Variants in ATP8A2 observed in about 807,000 individuals in gnomAD.
ATP8A2 encodes ATPase phospholipid transporting 8A2.
Under a neutral mutation model 165.6 loss-of-function variants are expected in ATP8A2, and 100 were observed. That is an observed-to-expected ratio of 0.60 (90% confidence interval 0.51 to 0.71). The LOEUF is 0.71. Among genes scored for constraint, ATP8A2 ranks in the 30% least tolerant of loss-of-function variants. ATP8A2 has a pLI of 0.00. For missense variants in ATP8A2, 1,227 were observed against 1,479.5 expected, an observed-to-expected ratio of 0.83 and a Z score of 2.80; for synonymous variants, 543 against 548.8, an observed-to-expected ratio of 0.99 and a Z score of 0.15.
intron 2 of ATP8A2, among the ~76,000 whole-genome samples, chr13:25,478,876 T>G (rs2036073949): frequency 6.6e-6 from 1 of 151,352 alleles, no homozygotes; most frequent in Non-Finnish European, 1.5e-5. Context: ...CTTTTTGGAG[T>G]CTTGCTGTGT....
intron 14 of ATP8A2, among the ~76,000 whole-genome samples, chr13:25,559,352 A>G (rs1025178928): frequency 2.0e-5 from 3 of 152,128 alleles, no homozygotes; most frequent in Admixed American, 1.3e-4. Context: ...GGCTAACATG[A>G]TGAAACCTTG....
intron 30 of ATP8A2, among the ~76,000 whole-genome samples, chr13:25,843,139 A>G (rs1951783555): frequency 6.6e-6 from 1 of 152,056 alleles, no homozygotes; most frequent in Non-Finnish European, 1.5e-5. Context: ...TTGAAAGAGG[A>G]GTAGGGGGTG....
intron 2 of ATP8A2, among the ~76,000 whole-genome samples, chr13:25,497,096 G>C (rs976240632): frequency 8.5e-5 from 13 of 152,178 alleles, no homozygotes; most frequent in Non-Finnish European, 1.9e-4. Flanking sequence ...CATGTGAGCA[G>C]GTGGTGGGGT....
At chr13:25,686,815 ATG>A (rs1419891302) in intron 24 of ATP8A2, among the ~76,000 whole-genome samples, 162 of 152,162 alleles carry the variant, frequency 1.1e-3, no homozygotes, top group Non-Finnish European at 2.1e-4. Context: ...CAGGATTCTG[ATG>A]GAATCCTGCT....
intron 33 of ATP8A2, among the ~76,000 whole-genome samples, chr13:25,925,688 T>C (rs1954582445): frequency 6.6e-6 from 1 of 151,670 alleles, no homozygotes; most frequent in Admixed American, 6.6e-5. Context: ...GATTGAAATA[T>C]ATACACAGAA....
intron 30 of ATP8A2, among the ~76,000 whole-genome samples, chr13:25,846,352 A>G (rs1209269201): frequency 1.3e-5 from 2 of 152,172 alleles, no homozygotes; most frequent in African/African-American, 4.8e-5. Flanking sequence ...TTCAGATGGG[A>G]TGTCTTCCAG....
chr13:25,828,103 TTTC>T lies in ATP8A2; in HGVS notation c.2680-10_2680-8del. 1.9e-6 allele frequency: 3 copies of T among 1,609,920 alleles called. No homozygotes were observed. The highest frequency in any genetic ancestry group is 2.6e-6 in the Non-Finnish European group (3 of 1,176,178). On this transcript the variant is annotated splice_polypyrimidine_tract_variant and intron_variant, in intron 27 of 36. Transcript: ENST00000381655. ...AATATTGATATAAAACTTCATGAGC[TTTC>T]TTCTCTTTCAGCTTTGGTTCGCCTT...
rs554189803 is a variant in ATP8A2 at position 25,905,215 on chromosome 13, G to A, written c.3183+42807G>A. On this transcript the variant is annotated intron_variant, in intron 33 of 36. Transcript: ENST00000381655. ...TTAGCCTCTACTACTCTCTCTTTCCGCAGATAACCTCCTTAGGTACTTTAC... is the reference window on the plus strand; with the variant it reads ...TTAGCCTCTACTACTCTCTCTTTCCACAGATAACCTCCTTAGGTACTTTAC... Among the ~76,000 whole-genome samples, 11 of 151,856 alleles carry A rather than the reference G, an allele frequency of 7.2e-5. No individual in the cohort carries two copies. In the South Asian group the frequency reaches 1.3e-3, roughly 17 times the overall value.
chr13:25,537,273 G>A (rs2038316075), intron 6 of ATP8A2, among the ~76,000 whole-genome samples: 1 of 152,122 alleles, frequency 6.6e-6, no homozygotes, highest in Non-Finnish European at 1.5e-5. Flanking sequence ...GGGACTTTCA[G>A]GTGCACTTTT....
At chr13:25,819,163 A>T (rs1951101407) in intron 27 of ATP8A2, among the ~76,000 whole-genome samples, 1 of 152,242 alleles carries the variant, frequency 6.6e-6, no homozygotes, top group Admixed American at 6.5e-5. Context: ...TACAAAAAAA[A>T]AATGGATTCT....
chr13:25,422,296 G>C (rs964213536), intron 1 of ATP8A2, among the ~76,000 whole-genome samples: 5 of 152,180 alleles, frequency 3.3e-5, no homozygotes, highest in African/African-American at 1.2e-4. Context: ...TTGCTTAATA[G>C]ACTAAGAAGT....
intron 1 of ATP8A2, among the ~76,000 whole-genome samples, chr13:25,401,691 C>T (rs1036813761): frequency 4.6e-5 from 7 of 152,074 alleles, no homozygotes; most frequent in African/African-American, 9.7e-5. Flanking sequence ...CAGTAGGTAC[C>T]GGAAACCTCG....
intron 24 of ATP8A2, among the ~76,000 whole-genome samples, chr13:25,684,733 C>T (rs989066508): frequency 1.6e-5 from 2 of 127,746 alleles, no homozygotes; most frequent in African/African-American, 3.0e-5. Context: ...AAATGTAAGT[C>T]TGGAAAACAG....
chr13:25,412,359 C>T (rs1369037261), intron 1 of ATP8A2, among the ~76,000 whole-genome samples: 2 of 152,140 alleles, frequency 1.3e-5, no homozygotes, highest in Non-Finnish European at 2.9e-5. Context: ...GCTTAAGCCA[C>T]CATATTTGGG....
intron 27 of ATP8A2, among the ~76,000 whole-genome samples, chr13:25,799,440 A>G (rs1366391688): frequency 1.3e-5 from 2 of 152,170 alleles, no homozygotes; most frequent in Admixed American, 1.3e-4. Context: ...AGAACATCAT[A>G]TTTTTAACTC....
At chr13:26,010,463 G>C (rs1054365222) in intron 35 of ATP8A2, among the ~76,000 whole-genome samples, 1 of 152,254 alleles carries the variant, frequency 6.6e-6, no homozygotes, top group African/African-American at 2.4e-5. Context: ...GGCCTGGCTG[G>C]TGAGGCTACC....
chr13:25,957,891 T>A (rs1414150818), intron 33 of ATP8A2, among the ~76,000 whole-genome samples: 3 of 151,858 alleles, frequency 2.0e-5, no homozygotes, highest in Non-Finnish European at 2.9e-5. Context: ...ATAGACTGGA[T>A]AAAGAAAATG....
At chr13:25,886,169 T>G (rs1953146462) in intron 33 of ATP8A2, among the ~76,000 whole-genome samples, 1 of 152,208 alleles carries the variant, frequency 6.6e-6, no homozygotes, top group Admixed American at 6.5e-5. Flanking sequence ...TTGGATAAAG[T>G]ATATATATTT....
At chr13:25,823,356 A>G (rs1951228449) in intron 27 of ATP8A2, among the ~76,000 whole-genome samples, 2 of 152,014 alleles carry the variant, frequency 1.3e-5, no homozygotes, top group Admixed American at 6.5e-5. Context: ...TTTCATGTTC[A>G]TTTGACATGT....
Sources: allele counts gnomAD v4.1 joint callset (sites outside exome capture counted in the v4.1 genomes callset), GRCh38; gene constraint gnomAD v4.1.1; transcripts MANE v1.5; gene names NCBI Gene and HGNC (gene_info 2026-07-23, HGNC 2026-07-21).